The following COL4A6 variants were observed in gnomAD, a reference collection of about 807,000 sequenced individuals.
COL4A6 encodes collagen type IV alpha 6 chain, also known as collagen alpha-6(IV) chain.
Under a neutral mutation model 126.7 loss-of-function variants are expected in COL4A6, and 59 were observed. The observed-to-expected ratio is 0.47, with a 90% CI of 0.38 to 0.58. COL4A6 has a LOEUF of 0.58. COL4A6 is among the 20% of genes least tolerant of loss of function. The pLI, the probability that COL4A6 is intolerant of heterozygous loss-of-function variation, is 0.00. For missense variants in COL4A6, 1,285 were observed against 1,337.3 expected (o/e 0.96, Z 0.61); for synonymous variants, 547 against 496.6 (o/e 1.10, Z -1.35).
chrX:108,272,138 T>C (rs2037467571), intron 3 of COL4A6, among the ~76,000 whole-genome samples: 1 of 111,644 alleles, frequency 9.0e-6, no homozygotes, highest in African/African-American at 3.3e-5. Flanking sequence ...TCTGTTTCCA[T>C]TGCTCTGCCC....
intron 2 of COL4A6, among the ~76,000 whole-genome samples, chrX:108,425,998 C>A (rs774094092): frequency 9.0e-6 from 1 of 111,310 alleles, no homozygotes; most frequent in Admixed American, 9.6e-5. Context: ...ACATCAGTAT[C>A]TATGAGCATG....
chrX:108,223,507 G>A (rs1053988136), intron 3 of COL4A6, among the ~76,000 whole-genome samples: 1 of 111,464 alleles, frequency 9.0e-6, no homozygotes, highest in Non-Finnish European at 1.9e-5. Flanking sequence ...GTTGGCAATG[G>A]AGGGTTTGTG....
At chrX:108,425,642 G>A (rs925313476) in intron 2 of COL4A6, among the ~76,000 whole-genome samples, 2 of 108,892 alleles carry the variant, frequency 1.8e-5, no homozygotes, top group Non-Finnish European at 3.8e-5. Flanking sequence ...GCTGAGGCAG[G>A]AGAAGAGCTT....
At chrX:108,335,585 G>A (rs985171920) in intron 2 of COL4A6, among the ~76,000 whole-genome samples, 17 of 111,534 alleles carry the variant, frequency 1.5e-4, no homozygotes, top group Admixed American at 1.1e-3. Context: ...AAGTGTGTAT[G>A]TATATATGTA....
intron 35 of COL4A6, 142 bp downstream of exon 35, chrX:108,170,467 T>A (rs2034265257): frequency 1.4e-5 from 8 of 552,988 alleles, no homozygotes; most frequent in Non-Finnish European, 2.2e-5. Context: ...TTACTCTTCA[T>A]CTTCCTTTCC....
At chrX:108,313,188 C>A (rs914132671) in intron 2 of COL4A6, among the ~76,000 whole-genome samples, 3 of 111,839 alleles carry the variant, frequency 2.7e-5, no homozygotes, top group Non-Finnish European at 5.6e-5. Context: ...GGGAACATGA[C>A]CAGACTAGAC....
chrX:108,284,527 A>T (rs1309824385), intron 3 of COL4A6, among the ~76,000 whole-genome samples: 1 of 112,415 alleles, frequency 8.9e-6, no homozygotes, highest in Admixed American at 9.4e-5. Flanking sequence ...ACATACAGAA[A>T]CAAAATAAAA....
At chrX:108,187,812 T>G in intron 22 of COL4A6, 36 bp downstream of exon 22, 1 of 1,151,804 alleles carries the variant, frequency 8.7e-7, no homozygotes, top group Non-Finnish European at 1.2e-6. Context: ...GGTGTGAAGA[T>G]CTGTAGAGCT....
At chrX:108,164,748 TA>T (rs779929878) in intron 39 of COL4A6, 50 bp from the exon 40 acceptor site, 40 of 1,184,595 alleles carry the variant, frequency 3.4e-5, no homozygotes, top group Middle Eastern at 2.3e-4. Flanking sequence ...GTAGGGGTGG[TA>T]GGGGTGGAGG....
intron 37 of COL4A6, among the ~76,000 whole-genome samples, chrX:108,166,873 G>GTA (rs2034143957): frequency 9.1e-6 from 1 of 109,344 alleles, no homozygotes; most frequent in Admixed American, 9.8e-5. Context: ...CATATATTAT[G>GTA]TATATATACA....
At chrX:108,408,360 AGAAAGAAC>A (rs1353671357) in intron 2 of COL4A6, among the ~76,000 whole-genome samples, 1 of 104,437 alleles carries the variant, frequency 9.6e-6, no homozygotes, top group African/African-American at 3.9e-5. Flanking sequence ...AAAGAAAGAA[AGAAAGAAC>A]GAAAGAAAGA....
chrX:108,438,157 G>T, intron 1 of COL4A6, 29 bp downstream of exon 1: 1 of 1,209,704 alleles, frequency 8.3e-7, no homozygotes, highest in Non-Finnish European at 1.1e-6. Flanking sequence ...TAAGAAAGAG[G>T]AGGGGAGCTC....
At chrX:108,282,303 A>G (rs1294472114) in intron 3 of COL4A6, among the ~76,000 whole-genome samples, 1 of 103,108 alleles carries the variant, frequency 9.7e-6, no homozygotes, top group Non-Finnish European at 2.0e-5. Flanking sequence ...TTTACAAGAA[A>G]AAAACAAACA....
At chrX:108,414,465 T>C (rs754837197) in intron 2 of COL4A6, among the ~76,000 whole-genome samples, 7 of 110,393 alleles carry the variant, frequency 6.3e-5, no homozygotes, top group Non-Finnish European at 1.1e-4. Flanking sequence ...ATCCTGCTCT[T>C]CTCTCCAAGA....
intron 23 of COL4A6, among the ~76,000 whole-genome samples, chrX:108,181,777 T>C (rs1410466333): frequency 3.6e-5 from 4 of 112,125 alleles, no homozygotes; most frequent in Admixed American, 9.5e-5. Flanking sequence ...GGAGGTTTAA[T>C]AAAATACTGG....
At chrX:108,427,031 T>C (rs901391477) in intron 2 of COL4A6, among the ~76,000 whole-genome samples, 2 of 111,549 alleles carry the variant, frequency 1.8e-5, no homozygotes, top group African/African-American at 6.5e-5. Context: ...GCTGCAGGAG[T>C]GAGTCCTCCA....
At chrX:108,325,612 C>T (rs1158431209) in intron 2 of COL4A6, among the ~76,000 whole-genome samples, 1 of 111,325 alleles carries the variant, frequency 9.0e-6, no homozygotes, top group Admixed American at 9.6e-5. Context: ...CTCTGTGAGT[C>T]CAGCATTACA....
rs373756838 is a variant in COL4A6 at position 108,400,682 on chromosome X, A to ATG, written c.63+37258_63+37259dup. On this transcript the variant is annotated intron_variant, in intron 2 of 44. Transcript: ENST00000334504. ...TTGAAAAAGGCCCATGTATGTATGTATGTGTGTGTGTGTGTGTATGTGTAT... is the reference window on the plus strand; with the variant it reads ...TTGAAAAAGGCCCATGTATGTATGTATGTGTGTGTGTGTGTGTGTATGTGTAT... 6.0e-4 allele frequency among the ~76,000 whole-genome samples: 66 copies of ATG among 109,125 alleles called. 1 individual carries two copies. Among genetic ancestry groups the ATG allele is most frequent in the African/African-American group, 1.1e-3 (32 of 30,366 alleles). The allele number at this position is 109,125 out of a possible 115,157, so 94.8% of individuals were successfully genotyped here.
intron 37 of COL4A6, among the ~76,000 whole-genome samples, chrX:108,166,291 A>G (rs1269583106): frequency 1.8e-5 from 2 of 112,714 alleles, no homozygotes; most frequent in Non-Finnish European, 3.7e-5. Context: ...TCACATATCA[A>G]ATACATAGAT....
Sources: gnomAD v4.1 joint callset for allele counts (sites outside exome capture counted in the v4.1 genomes callset) on GRCh38, gnomAD v4.1.1 for gene constraint, MANE v1.5 for transcripts, NCBI Gene and HGNC (gene_info 2026-07-23, HGNC 2026-07-21) for gene names.